Variants in KIAA2012 observed in about 807,000 individuals in gnomAD.
The protein encoded by KIAA2012 is KIAA2012.
A neutral mutation model predicts 150.6 loss-of-function variants in KIAA2012; 125 were observed. That is an observed-to-expected ratio of 0.83 (90% CI 0.72 to 0.96). The LOEUF (loss-of-function observed/expected upper bound fraction) is 0.96. Among genes scored for constraint, KIAA2012 ranks in the 40% least tolerant of loss-of-function variants. The pLI is 0.00. For synonymous variants in KIAA2012, 462 were observed against 504.7 expected, an observed-to-expected ratio of 0.92 and a Z score of 1.13; for missense variants, 1,219 against 1,354.9, an observed-to-expected ratio of 0.90 and a Z score of 1.57.
intron 18 of KIAA2012, 136 bp downstream of exon 18, chr2:202,188,402 G>A (rs139475584): frequency 2.1e-5 from 14 of 659,966 alleles, no homozygotes; most frequent in Non-Finnish European, 3.1e-5. Flanking sequence ...AGCCAAGATG[G>A]TGTTGCAGCC....
chr2:202,078,519 G>A (rs1005672151), intron 2 of KIAA2012, among the ~76,000 whole-genome samples: 3 of 152,080 alleles, frequency 2.0e-5, no homozygotes, highest in Non-Finnish European at 4.4e-5. Context: ...GAACTCCTAG[G>A]TTCAAGAAAT....
At chr2:202,188,326 T>C (rs1692269119) in intron 18 of KIAA2012, 60 bp downstream of exon 18, 3 of 1,349,988 alleles carry the variant, frequency 2.2e-6, no homozygotes, top group Non-Finnish European at 2.0e-6. Context: ...GGTCGGGAGG[T>C]GGTATGGATA....
chr2:202,184,934 G>A (rs1027892368), intron 16 of KIAA2012, 91 bp downstream of exon 16: 15 of 986,212 alleles, frequency 1.5e-5, no homozygotes, highest in Non-Finnish European at 2.1e-5. Context: ...TTTCAGACAG[G>A]AATGGGAGTT....
intron 14 of KIAA2012, among the ~76,000 whole-genome samples, chr2:202,164,944 T>C (rs1254642859): frequency 6.7e-6 from 1 of 149,016 alleles, no homozygotes; most frequent in Non-Finnish European, 1.5e-5. Context: ...GGCTTTTTCT[T>C]TTTTTTTTTA....
intron 16 of KIAA2012, among the ~76,000 whole-genome samples, chr2:202,185,955 C>T (rs115330130): frequency 0.021 from 3,244 of 152,228 alleles, 47 homozygotes; most frequent in Non-Finnish European, 0.034. Flanking sequence ...CAGTAAGGCC[C>T]CGTGCTAGCA....
intron 6 of KIAA2012, 96 bp downstream of exon 6, chr2:202,099,892 C>G: frequency 9.4e-7 from 1 of 1,059,586 alleles, no homozygotes; most frequent in African/African-American, 1.6e-5. Flanking sequence ...CACTTCCTTG[C>G]GCCACTCACC....
chr2:202,198,512 A>G (rs1434874541), intron 22 of KIAA2012, among the ~76,000 whole-genome samples: 2 of 152,214 alleles, frequency 1.3e-5, no homozygotes, highest in Non-Finnish European at 2.9e-5. Context: ...GCACAGAATC[A>G]AAGTTATCCA....
At chr2:202,128,924 A>G (rs1396575625) in intron 12 of KIAA2012, among the ~76,000 whole-genome samples, 1 of 152,134 alleles carries the variant, frequency 6.6e-6, no homozygotes, top group Non-Finnish European at 1.5e-5. Flanking sequence ...GGGAATAGAT[A>G]TAACACTACT....
chr2:202,134,922 T>C (rs563510994), intron 12 of KIAA2012, among the ~76,000 whole-genome samples: 2 of 152,334 alleles, frequency 1.3e-5, no homozygotes, highest in South Asian at 4.1e-4. Context: ...CAATGCAGAT[T>C]TAAATAGAAG....
chr2:202,202,570 C>T lies in KIAA2012; in HGVS notation c.*3C>T, dbSNP rs920941592. ...TCCTACAAATACCCAGGCCTTAAGGCTAGAAGAAAACTAAAAAGTAAGTTG... is the reference window on the plus strand; with the variant it reads ...TCCTACAAATACCCAGGCCTTAAGGTTAGAAGAAAACTAAAAAGTAAGTTG... On this transcript the variant is annotated 3_prime_UTR_variant, in exon 23 of 24. Coordinates refer to ENST00000498697, the MANE Select transcript of KIAA2012 (RefSeq NM_001277372.4). The T allele has an allele frequency of 1.6e-4, 63 of 398,838 alleles. No homozygotes were observed. The highest frequency in any genetic ancestry group is 1.2e-3 in the African/African-American group (60 of 48,658). 24.7% of individuals were successfully genotyped at this position (398,838 alleles called of 1,614,324 possible).
intron 15 of KIAA2012, among the ~76,000 whole-genome samples, chr2:202,173,711 G>A (rs562671954): frequency 6.6e-6 from 1 of 152,138 alleles, no homozygotes; most frequent in South Asian, 2.1e-4. Flanking sequence ...ACTGAATTTG[G>A]TTTATCACAA....
intron 13 of KIAA2012, among the ~76,000 whole-genome samples, chr2:202,140,011 C>T (rs566115388): frequency 1.1e-4 from 16 of 152,170 alleles, no homozygotes; most frequent in East Asian, 3.9e-4. Context: ...GGGCGGATCA[C>T]GAGGTCAGGA....
In KIAA2012 at chr2:202,171,308, G is replaced by A. The variant is rs141114449; in HGVS notation, c.2119+5952G>A. ...AAAGGTGTGGCCAATCGGGGAGGGA[G>A]GCCAAAGTGGTCCAGCAGTGCGGCA... On this transcript the variant is annotated intron_variant, in intron 15 of 23. Transcript: ENST00000498697. 3.6e-4 allele frequency among the ~76,000 whole-genome samples: 55 copies of A among 152,290 alleles called. No individual in the cohort carries two copies. In the East Asian group the frequency reaches 0.01, roughly 28 times the overall value.
chr2:202,098,406 G>T (rs1689950157), intron 5 of KIAA2012, among the ~76,000 whole-genome samples: 1 of 152,170 alleles, frequency 6.6e-6, no homozygotes. Flanking sequence ...CACTGGGGAA[G>T]TGCTGCACGC....
chr2:202,175,762 C>T (rs761264341), intron 15 of KIAA2012, among the ~76,000 whole-genome samples: 1 of 151,986 alleles, frequency 6.6e-6, no homozygotes, highest in Non-Finnish European at 1.5e-5. Flanking sequence ...GTTATAGCAG[C>T]CTGAACAGAC....
intron 3 of KIAA2012, among the ~76,000 whole-genome samples, chr2:202,092,781 A>C (rs1451181676): frequency 6.6e-6 from 1 of 152,128 alleles, no homozygotes; most frequent in East Asian, 1.9e-4. Context: ...AGGGAGACCC[A>C]GTTCTTGGGA....
At chr2:202,174,801 TTTA>T (rs1229142567) in intron 15 of KIAA2012, among the ~76,000 whole-genome samples, 3 of 152,226 alleles carry the variant, frequency 2.0e-5, no homozygotes, top group Non-Finnish European at 2.9e-5. Flanking sequence ...AATGACTTTT[TTTA>T]TTATTATTAT....
chr2:202,079,862 G>T (rs1016872650), intron 2 of KIAA2012, among the ~76,000 whole-genome samples: 1 of 152,106 alleles, frequency 6.6e-6, no homozygotes, highest in Non-Finnish European at 1.5e-5. Flanking sequence ...TTTGGGGTGG[G>T]ATAAATACAA....
At chr2:202,154,078 C>A (rs897877568) in intron 13 of KIAA2012, among the ~76,000 whole-genome samples, 3 of 152,220 alleles carry the variant, frequency 2.0e-5, no homozygotes, top group African/African-American at 7.2e-5. Flanking sequence ...GGAGAGCCCC[C>A]GGGGCCTCCC....
Sources: gnomAD v4.1 joint callset for allele counts (sites outside exome capture counted in the v4.1 genomes callset) on GRCh38, gnomAD v4.1.1 for gene constraint, MANE v1.5 for transcripts, NCBI Gene and HGNC (gene_info 2026-07-23, HGNC 2026-07-21) for gene names.